Variants in PLEKHA5 observed in about 807,000 individuals in gnomAD.
PLEKHA5 encodes pleckstrin homology domain-containing family A member 5.
In PLEKHA5, 55 loss-of-function variants were observed where a neutral mutation model predicts 181.9. The observed-to-expected ratio is 0.30, with a 90% CI of 0.24 to 0.38. PLEKHA5 has a LOEUF of 0.38. PLEKHA5 is among the 10% of genes least tolerant of loss of function. The probability of loss-of-function intolerance (pLI) is 1.00; values close to 1 mark genes in which losing one functional copy is unlikely to be tolerated. For synonymous variants in PLEKHA5, 535 were observed against 529.4 expected, an observed-to-expected ratio of 1.01 and a Z score of -0.15; for missense variants, 1,432 against 1,549.5, an observed-to-expected ratio of 0.92 and a Z score of 1.27.
chr12:19,301,138 G>C (rs992047520), intron 15 of PLEKHA5, among the ~76,000 whole-genome samples: 1 of 151,974 alleles, frequency 6.6e-6, no homozygotes, highest in Non-Finnish European at 1.5e-5. Flanking sequence ...CAACAAGAGC[G>C]AAACTCCGTC....
At chr12:19,362,476 G>A (rs544609018) in intron 29 of PLEKHA5, among the ~76,000 whole-genome samples, 46 of 152,068 alleles carry the variant, frequency 3.0e-4, no homozygotes, top group African/African-American at 8.4e-4. Flanking sequence ...AGAGGTTGCA[G>A]TGAGCCAAGA....
intron 16 of PLEKHA5, among the ~76,000 whole-genome samples, chr12:19,318,179 ATG>A (rs1183460203): frequency 6.6e-6 from 1 of 151,968 alleles, no homozygotes. Context: ...CATAAAAGCA[ATG>A]TGTGGGGAGA....
chr12:19,251,406 C>CAAAA (rs35113109), intron 3 of PLEKHA5, among the ~76,000 whole-genome samples: 1 of 124,744 alleles, frequency 8.0e-6, no homozygotes, highest in Non-Finnish European at 1.7e-5. Context: ...AACTCTGTCT[C>CAAAA]AAAAAAAAAA....
At chr12:19,233,235 G>A (rs1346043299) in intron 3 of PLEKHA5, among the ~76,000 whole-genome samples, 3 of 152,176 alleles carry the variant, frequency 2.0e-5, no homozygotes, top group Admixed American at 6.5e-5. Context: ...GAAAAAGTGA[G>A]AAAGGAGGTT....
chr12:19,135,411 A>G (rs1479427860), intron 3 of PLEKHA5, among the ~76,000 whole-genome samples: 1 of 152,118 alleles, frequency 6.6e-6, no homozygotes, highest in African/African-American at 2.4e-5. Flanking sequence ...TTCCATTTCT[A>G]AATTTCTTTG....
intron 3 of PLEKHA5, among the ~76,000 whole-genome samples, chr12:19,158,331 C>A (rs1274394173): frequency 2.0e-5 from 3 of 151,544 alleles, no homozygotes; most frequent in South Asian, 2.1e-4. Flanking sequence ...CCAGCCTGGG[C>A]GACAGAGTGA....
At chr12:19,312,693 T>C (rs2086996629) in intron 15 of PLEKHA5, among the ~76,000 whole-genome samples, 1 of 152,232 alleles carries the variant, frequency 6.6e-6, no homozygotes, top group Admixed American at 6.5e-5. Flanking sequence ...GATCTTCTCT[T>C]CAGACCACTA....
At chr12:19,278,585 C>T (rs1373726440) in intron 11 of PLEKHA5, among the ~76,000 whole-genome samples, 2 of 152,074 alleles carry the variant, frequency 1.3e-5, no homozygotes. Flanking sequence ...AGGGCAGTCT[C>T]TTTGATGGAG....
At chr12:19,315,011 G>A (rs1180488284) in intron 16 of PLEKHA5, 117 bp downstream of exon 16, 1 of 660,278 alleles carries the variant, frequency 1.5e-6, no homozygotes, top group East Asian at 2.8e-5. Flanking sequence ...TTTATTTTTT[G>A]TTTATGTTTA....
chr12:19,235,233 T>A (rs959511227), intron 3 of PLEKHA5, among the ~76,000 whole-genome samples: 4 of 152,220 alleles, frequency 2.6e-5, no homozygotes, highest in Non-Finnish European at 5.9e-5. Flanking sequence ...ATGCTATTTT[T>A]AATTTTTGTT....
intron 28 of PLEKHA5, among the ~76,000 whole-genome samples, chr12:19,360,193 G>C (rs2095157418): frequency 6.6e-6 from 1 of 151,800 alleles, no homozygotes; most frequent in African/African-American, 2.4e-5. Context: ...AGCCAGGTGT[G>C]GTGGCATGCA....
intron 20 of PLEKHA5, among the ~76,000 whole-genome samples, chr12:19,334,058 A>G (rs749638851): frequency 7.2e-5 from 11 of 152,216 alleles, no homozygotes; most frequent in Non-Finnish European, 1.3e-4. Flanking sequence ...CTTCTTGACC[A>G]CAAATACGTA....
chr12:19,188,671 C>T (rs4448741), intron 3 of PLEKHA5, among the ~76,000 whole-genome samples: 135,311 of 152,220 alleles, frequency 0.89, 60,956 homozygotes, highest in Non-Finnish European at 0.97. Flanking sequence ...GCAGATTCAA[C>T]TTATGAAAGT....
intron 3 of PLEKHA5, among the ~76,000 whole-genome samples, chr12:19,235,009 T>G (rs557092534): frequency 6.6e-6 from 1 of 152,312 alleles, no homozygotes; most frequent in South Asian, 2.1e-4. Context: ...TTTTCATGTT[T>G]CTGAGAATGG....
intron 15 of PLEKHA5, among the ~76,000 whole-genome samples, chr12:19,294,090 G>C (rs1195760304): frequency 6.6e-6 from 1 of 152,134 alleles, no homozygotes. Context: ...TGTGTTTGAA[G>C]TAAGAATATT....
At chr12:19,312,214 A>G (rs949762347) in intron 15 of PLEKHA5, among the ~76,000 whole-genome samples, 1 of 152,210 alleles carries the variant, frequency 6.6e-6, no homozygotes, top group Non-Finnish European at 1.5e-5. Context: ...TTTGGAGCAT[A>G]AGCAAAGTAG....
At chr12:19,151,567 A>G (rs10841160) in intron 3 of PLEKHA5, 83,719 of 151,932 alleles carry the variant, frequency 0.55, 27,057 homozygotes, top group Non-Finnish European at 0.74. Context: ...GTAGATTGTG[A>G]ACTCTTAATA....
chr12:19,366,271 T>C (rs982636982), intron 30 of PLEKHA5, among the ~76,000 whole-genome samples, 162 bp downstream of exon 30: 5 of 152,172 alleles, frequency 3.3e-5, no homozygotes, highest in Non-Finnish European at 5.9e-5. Flanking sequence ...ATGCAGCCCC[T>C]GCCAGAGTCT....
At chr12:19,291,371 G>A (rs945646766) in intron 14 of PLEKHA5, among the ~76,000 whole-genome samples, 2 of 151,548 alleles carry the variant, frequency 1.3e-5, no homozygotes, top group African/African-American at 4.9e-5. Flanking sequence ...AGTTCTAACA[G>A]TCAGTTTGCT....
Sources: gnomAD v4.1 joint callset for allele counts (sites outside exome capture counted in the v4.1 genomes callset) on GRCh38, gnomAD v4.1.1 for gene constraint, MANE v1.5 for transcripts, NCBI Gene and HGNC (gene_info 2026-07-23, HGNC 2026-07-21) for gene names.